Variants in PCDH15 observed in about 807,000 individuals in gnomAD.
PCDH15 encodes the protein protocadherin-15.
In PCDH15, 129 loss-of-function variants were observed where a neutral mutation model predicts 178.5. The ratio of observed to expected loss-of-function variants is 0.72; its 90% CI spans 0.63 to 0.84. The LOEUF is 0.84. PCDH15 is among the 40% of genes least tolerant of loss of function. PCDH15 has a pLI of 0.00. For missense variants in PCDH15, 2,230 were observed against 2,099.9 expected (o/e 1.06, Z -1.21); for synonymous variants, 800 against 732.0 (o/e 1.09, Z -1.50).
At chr10:53,977,491 A>C (rs2090281941) in intron 21 of PCDH15, among the ~76,000 whole-genome samples, 1 of 152,240 alleles carries the variant, frequency 6.6e-6, no homozygotes, top group African/African-American at 2.4e-5. Context: ...GTGTATGTGT[A>C]TCATGAGCTG....
intron 3 of PCDH15, among the ~76,000 whole-genome samples, chr10:54,457,576 T>C (rs1480223627): frequency 1.3e-5 from 2 of 152,218 alleles, no homozygotes; most frequent in African/African-American, 2.4e-5. Flanking sequence ...AACTGGTTTA[T>C]GTAAAATTTT....
rs1435487678 is a variant in PCDH15, at chr10:53,903,254, G to C, written c.3490C>G (p.Leu1164Val). 1.9e-6 allele frequency: 3 copies of C among 1,612,908 alleles called. No homozygotes were observed. Among genetic ancestry groups the C allele is most frequent in the Non-Finnish European group, 2.5e-6 (3 of 1,179,350 alleles). Residue 1164 changes from leucine (L) to valine (V), a missense_variant, in exon 26 of 38, where the codon CTC becomes GTC. Transcript: ENST00000644397. ...ATAATTCCGCATACCTTCACTCTGAGTACAGAAGTAAACATTCTTGCATCT... is the reference window on the plus strand; with the variant it reads ...ATAATTCCGCATACCTTCACTCTGACTACAGAAGTAAACATTCTTGCATCT... ...SEDARMFTSV[L>V]RVKATDKDTG... is the part of the protein sequence containing the mutation.
chr10:54,534,225 T>G (rs2132797771), intron 2 of PCDH15, among the ~76,000 whole-genome samples: 1 of 152,242 alleles, frequency 6.6e-6, no homozygotes, highest in Non-Finnish European at 1.5e-5. Context: ...ATATAGTAAA[T>G]AAACCCTCAG....
intron 2 of PCDH15, among the ~76,000 whole-genome samples, chr10:55,521,296 GCTC>G (rs1405000947): frequency 1.9e-4 from 29 of 152,110 alleles, no homozygotes; most frequent in African/African-American, 6.3e-4. Flanking sequence ...ATATACAGAT[GCTC>G]CTCAATTTAT....
chr10:53,843,565 A>C (rs2132816818), intron 28 of PCDH15, among the ~76,000 whole-genome samples: 1 of 152,102 alleles, frequency 6.6e-6, no homozygotes, highest in South Asian at 2.1e-4. Context: ...TTTTGAGTTT[A>C]CCTTTTATAA....
At chr10:55,034,038 T>A (rs930706515) in intron 2 of PCDH15, among the ~76,000 whole-genome samples, 1 of 151,618 alleles carries the variant, frequency 6.6e-6, no homozygotes, top group African/African-American at 2.4e-5. Flanking sequence ...AACCTGTCAG[T>A]TCCTTGATCT....
upstream of PCDH15, among the ~76,000 whole-genome samples, chr10:55,324,064 C>A (rs1351236283): frequency 6.6e-6 from 1 of 152,214 alleles, no homozygotes; most frequent in Non-Finnish European, 1.5e-5. Context: ...CACAAGTTCT[C>A]TTCTGTGTTG....
At chr10:54,120,898 C>A (rs2095207200) in intron 15 of PCDH15, among the ~76,000 whole-genome samples, 1 of 152,014 alleles carries the variant, frequency 6.6e-6, no homozygotes, top group Non-Finnish European at 1.5e-5. Flanking sequence ...AGAAAACTAA[C>A]AAAGAAATTC....
chr10:54,775,524 ATTG>A (rs1949592628), intron 1 of PCDH15, among the ~76,000 whole-genome samples: 1 of 152,184 alleles, frequency 6.6e-6, no homozygotes, highest in African/African-American at 2.4e-5. Flanking sequence ...AATAGATATT[ATTG>A]TTAACCATTG....
intron 2 of PCDH15, among the ~76,000 whole-genome samples, chr10:55,558,614 A>C (rs1393774818): frequency 1.3e-5 from 2 of 152,152 alleles, no homozygotes; most frequent in East Asian, 3.9e-4. Context: ...GCATTACAAA[A>C]GTACTTATTT....
chr10:55,516,603 G>A lies in PCDH15; in HGVS notation c.-156+111022C>T, dbSNP rs75743561. On this transcript the variant is annotated intron_variant, in intron 2 of 5. Transcript: ENST00000613346. ...ATTTTTTTTTCCTGCTAGCTTCACA[G>A]CATCTGCAAATCACACAGTTGTTAC... Among the ~76,000 whole-genome samples the A allele has an allele frequency of 5.4e-3, 829 of 152,144 alleles. 9 individuals carry two copies. The highest frequency in any genetic ancestry group is 0.019 in the African/African-American group (801 of 41,512).
At chr10:55,073,750 A>T (rs979510606) in intron 2 of PCDH15, among the ~76,000 whole-genome samples, 4 of 152,082 alleles carry the variant, frequency 2.6e-5, no homozygotes, top group Non-Finnish European at 5.9e-5. Flanking sequence ...CATTTGGGAG[A>T]ATTCAGCAGA....
intron 2 of PCDH15, among the ~76,000 whole-genome samples, chr10:55,579,664 AG>A (rs1195171086): frequency 6.6e-6 from 1 of 152,190 alleles, no homozygotes; most frequent in Non-Finnish European, 1.5e-5. Context: ...CAGAAAAAAA[AG>A]ATGTCAAAAA....
At chr10:55,369,435 G>A (rs915593194) in intron 2 of PCDH15, among the ~76,000 whole-genome samples, 2 of 151,860 alleles carry the variant, frequency 1.3e-5, no homozygotes, top group Non-Finnish European at 2.9e-5. Flanking sequence ...CTATTAATAA[G>A]TATAAAAACA....
At chr10:55,387,485 G>A (rs1176133804) in intron 2 of PCDH15, among the ~76,000 whole-genome samples, 1 of 152,020 alleles carries the variant, frequency 6.6e-6, no homozygotes, top group African/African-American at 2.4e-5. Flanking sequence ...ATATCCCCTA[G>A]CTGTCAACTG....
chr10:54,645,996 GT>G (rs2094122378), intron 2 of PCDH15, among the ~76,000 whole-genome samples: 1 of 151,982 alleles, frequency 6.6e-6, no homozygotes, highest in African/African-American at 2.4e-5. Context: ...ATTTGAAAAT[GT>G]TTTATCTGAT....
At chr10:54,044,185 T>C (rs942400153) in intron 18 of PCDH15, among the ~76,000 whole-genome samples, 1 of 152,088 alleles carries the variant, frequency 6.6e-6, no homozygotes, top group African/African-American at 2.4e-5. Context: ...GGAGATACTT[T>C]GTCATAATTG....
chr10:55,580,543 A>T (rs1251251062), intron 2 of PCDH15, among the ~76,000 whole-genome samples: 1 of 151,878 alleles, frequency 6.6e-6, no homozygotes, highest in African/African-American at 2.4e-5. Context: ...TTTTTAGTAG[A>T]GACGGGGGTT....
At chr10:54,002,975 C>T (rs2092234828) in intron 20 of PCDH15, among the ~76,000 whole-genome samples, 1 of 152,172 alleles carries the variant, frequency 6.6e-6, no homozygotes, top group African/African-American at 2.4e-5. Context: ...TGCTCACTCT[C>T]CTGGTCTGTG....
Sources: allele counts gnomAD v4.1 joint callset (sites outside exome capture counted in the v4.1 genomes callset), GRCh38; gene constraint gnomAD v4.1.1; transcripts MANE v1.5; gene names NCBI Gene and HGNC (gene_info 2026-07-23, HGNC 2026-07-21).